Variants in MYH10 observed in about 807,000 individuals in gnomAD.
The protein encoded by MYH10 is myosin-10.
MYH10 carries 55 observed loss-of-function variants against 257.8 expected under a neutral mutation model. That is an observed-to-expected ratio of 0.21 (90% CI 0.17 to 0.27). The LOEUF is 0.27. Among genes scored for constraint, MYH10 ranks in the 10% least tolerant of loss-of-function variants. The probability of loss-of-function intolerance (pLI) is 1.00; values close to 1 mark genes in which losing one functional copy is unlikely to be tolerated. For missense variants in MYH10, 1,631 were observed against 2,500.6 expected (o/e 0.65, Z 7.42); for synonymous variants, 854 against 921.7 (o/e 0.93, Z 1.33).
At chr17:8,585,270 A>G (rs970989146) in intron 4 of MYH10, among the ~76,000 whole-genome samples, 10 of 118,942 alleles carry the variant, frequency 8.4e-5, no homozygotes, top group Admixed American at 8.3e-4. Context: ...GTGTATATAT[A>G]TGTGCATGTG....
At chr17:8,497,636 G>T (rs1367299806) in intron 30 of MYH10, among the ~76,000 whole-genome samples, 1 of 150,812 alleles carries the variant, frequency 6.6e-6, no homozygotes, top group Non-Finnish European at 1.5e-5. Context: ...CTACCCAGGA[G>T]GCTGAGGCAG....
At chr17:8,538,238 T>A (rs2082197723) in intron 14 of MYH10, among the ~76,000 whole-genome samples, 1 of 152,228 alleles carries the variant, frequency 6.6e-6, no homozygotes, top group African/African-American at 2.4e-5. Flanking sequence ...GGAGTCTCGC[T>A]CTTGTCCCCC....
chr17:8,604,683 C>A (rs1597953759), intron 3 of MYH10, 143 bp downstream of exon 3: 6 of 579,728 alleles, frequency 1.0e-5, no homozygotes, highest in Non-Finnish European at 1.5e-5. Flanking sequence ...CTTAAAAACT[C>A]AATTTTTCTA....
At chr17:8,571,098 A>G (rs1403416116) in intron 6 of MYH10, among the ~76,000 whole-genome samples, 11 of 151,972 alleles carry the variant, frequency 7.2e-5, no homozygotes, top group African/African-American at 2.7e-4. Context: ...TTGGCATTAG[A>G]CAGTTTCCTC....
chr17:8,498,415 G>A (rs1916999776), intron 30 of MYH10, among the ~76,000 whole-genome samples: 1 of 152,138 alleles, frequency 6.6e-6, no homozygotes, highest in South Asian at 2.1e-4. Flanking sequence ...CTTCTGCAAT[G>A]AACATTCTTG....
intron 2 of MYH10, among the ~76,000 whole-genome samples, chr17:8,610,292 AG>A (rs2084981935): frequency 6.8e-6 from 1 of 147,286 alleles, no homozygotes. Flanking sequence ...AAAAAAAAAA[AG>A]GGTTGGGGGA....
chr17:8,577,414 T>C, intron 4 of MYH10, 76 bp from the exon 5 acceptor site: 1 of 750,788 alleles, frequency 1.3e-6, no homozygotes, highest in Non-Finnish European at 2.2e-6. Flanking sequence ...CTGATAAAAT[T>C]AAATTGTATT....
At chr17:8,491,609 T>C (rs16957339) in intron 34 of MYH10, among the ~76,000 whole-genome samples, 1,835 of 152,300 alleles carry the variant, frequency 0.012, 32 homozygotes, top group African/African-American at 0.042. Context: ...ATCTGGCAGA[T>C]AAGGAAACTT....
Position 8,504,597 on chromosome 17 carries a change from C to G in MYH10, c.3599+97G>C. On this transcript the variant is annotated intron_variant, in intron 28 of 42. Coordinates refer to ENST00000360416, the MANE Select transcript of MYH10 (RefSeq NM_001256012.3). The surrounding 1 kb of genome is among the most constrained non-coding windows in gnomAD (Gnocchi z 5.6). ...ACCTGCCATCACAAGGAAAAGCACACCACCTCCCAAAGATAGCAAGCACAC... is the reference window on the plus strand; with the variant it reads ...ACCTGCCATCACAAGGAAAAGCACAGCACCTCCCAAAGATAGCAAGCACAC... 9.3e-7 allele frequency: 1 copy of G among 1,073,420 alleles called. No homozygotes were observed. 66.5% of individuals were successfully genotyped at this position (1,073,420 alleles called of 1,614,324 possible). A position where few individuals can be genotyped will look rare whatever the true frequency, so the allele number is the denominator to read the frequency against.
intron 4 of MYH10, among the ~76,000 whole-genome samples, chr17:8,587,388 C>T (rs776701566): frequency 3.3e-5 from 5 of 152,182 alleles, no homozygotes; most frequent in Non-Finnish European, 7.3e-5. Context: ...ATTCATATAA[C>T]AAAGCCGACT....
chr17:8,506,070 G>C lies in MYH10; in HGVS notation c.3386+248C>G. 2.4e-6 allele frequency: 1 copy of C among 414,496 alleles called. No homozygotes were observed. Among genetic ancestry groups the C allele is most frequent in the Non-Finnish European group, 4.2e-6 (1 of 238,456 alleles). The allele number at this position is 414,496 out of a possible 1,614,324, so 25.7% of individuals were successfully genotyped here. A position where few individuals can be genotyped will look rare whatever the true frequency, so the allele number is the denominator to read the frequency against. ...ATAGTGAAATAATTTGTTCTGGTGT[G>C]AATTTCCAAGGGTTTCATAATATAA... is the stretch of plus-strand genomic sequence containing the variant. On this transcript the variant is annotated intron_variant, in intron 27 of 42. Transcript: ENST00000360416. This position sits in a 1 kb window ranked among gnomAD's most constrained non-coding sequence, Gnocchi z 5.0.
intron 33 of MYH10, 38 bp from the exon 34 acceptor site, chr17:8,492,547 AC>A: frequency 6.4e-7 from 1 of 1,569,360 alleles, no homozygotes; most frequent in South Asian, 1.1e-5. Flanking sequence ...AAAAACCGAA[AC>A]AGTGACATCA....
At chr17:8,554,440 C>A in intron 7 of MYH10, among the ~76,000 whole-genome samples, 1 of 150,892 alleles carries the variant, frequency 6.6e-6, no homozygotes, top group Non-Finnish European at 1.5e-5. Context: ...AAAAAAAACC[C>A]GAAAACTTAA....
intron 36 of MYH10, among the ~76,000 whole-genome samples, chr17:8,485,644 C>T (rs1914637733): frequency 6.6e-6 from 1 of 152,170 alleles, no homozygotes; most frequent in Non-Finnish European, 1.5e-5. Flanking sequence ...TCACTTCACA[C>T]CCACTAAGAT....
chr17:8,480,861 C>T (rs771891981), intron 38 of MYH10, among the ~76,000 whole-genome samples: 21 of 152,190 alleles, frequency 1.4e-4, no homozygotes, highest in Admixed American at 6.5e-4. Context: ...GCCTCCCCAC[C>T]GCTGAAACTC....
At chr17:8,532,730 G>A (rs2151927553) in intron 16 of MYH10, among the ~76,000 whole-genome samples, 1 of 152,322 alleles carries the variant, frequency 6.6e-6, no homozygotes, top group East Asian at 1.9e-4. Context: ...ATGCATCTGT[G>A]TATATCCTGG....
intron 9 of MYH10, among the ~76,000 whole-genome samples, chr17:8,550,777 T>C (rs1245364166): frequency 6.6e-6 from 1 of 151,872 alleles, no homozygotes; most frequent in Non-Finnish European, 1.5e-5. Context: ...TGGGAGACTT[T>C]TCATTTTGTT....
At position 8,551,975 on chromosome 17, in the gene MYH10, GTTT is replaced by G. The variant is rs541279002; in HGVS notation, c.919+68_919+70del. ...GTGTAAAAAACTGTTTCCCAAAATT[GTTT>G]TTTCTCAAAAAAAAATTAAAAGAGA... On this transcript the variant is annotated intron_variant, in intron 9 of 42. Transcript: ENST00000360416. 4 of 856,186 alleles carry G rather than the reference GTTT, an allele frequency of 4.7e-6. No homozygotes were observed. In the Middle Eastern group the frequency reaches 8.8e-4, roughly 188 times the overall value. The allele number at this position is 856,186 out of a possible 1,614,324, so 53.0% of individuals were successfully genotyped here.
At chr17:8,508,069 G>C (rs2081132247) in intron 26 of MYH10, among the ~76,000 whole-genome samples, 1 of 152,148 alleles carries the variant, frequency 6.6e-6, no homozygotes, top group African/African-American at 2.4e-5. Flanking sequence ...TTTAAATACA[G>C]GGTCTCGCTG....
Sources: gnomAD v4.1 joint callset for allele counts (sites outside exome capture counted in the v4.1 genomes callset) on GRCh38, gnomAD v4.1.1 for gene constraint, Gnocchi (gnomAD v3.1) non-coding constraint, MANE v1.5 for transcripts, NCBI Gene and HGNC (gene_info 2026-07-23, HGNC 2026-07-21) for gene names.